The following PIK3R1 variants were observed in gnomAD, a reference collection of about 807,000 sequenced individuals.
PIK3R1 encodes phosphatidylinositol 3-kinase regulatory subunit alpha.
In PIK3R1, 29 loss-of-function variants were observed where a neutral mutation model predicts 98.0. The ratio of observed to expected loss-of-function variants is 0.30; its 90% CI spans 0.22 to 0.40. The LOEUF is 0.40. Among genes scored for constraint, PIK3R1 ranks in the 10% least tolerant of loss-of-function variants. The pLI is 1.00. For synonymous variants in PIK3R1, 282 were observed against 311.8 expected, an observed-to-expected ratio of 0.90 and a Z score of 1.01; for missense variants, 596 against 872.7, an observed-to-expected ratio of 0.68 and a Z score of 3.99.
At chr5:68,285,976 T>C (rs890336090) in intron 7 of PIK3R1, among the ~76,000 whole-genome samples, 3 of 152,258 alleles carry the variant, frequency 2.0e-5, no homozygotes, top group African/African-American at 7.2e-5. Context: ...TCTATTCTTT[T>C]TTTCATGGTC....
At chr5:68,278,341 A>G (rs760436551) in intron 4 of PIK3R1, among the ~76,000 whole-genome samples, 11 of 152,164 alleles carry the variant, frequency 7.2e-5, no homozygotes, top group Non-Finnish European at 1.6e-4. Context: ...AATTATTTTC[A>G]TGGATATTCT....
intron 2 of PIK3R1, among the ~76,000 whole-genome samples, chr5:68,242,329 A>G (rs1316084194): frequency 1.3e-5 from 2 of 152,244 alleles, no homozygotes; most frequent in Non-Finnish European, 1.5e-5. Flanking sequence ...CTCAAGTTGA[A>G]TCTTGGTCAG....
chr5:68,296,119 G>T, intron 14 of PIK3R1, 52 bp from the exon 15 acceptor site: 1 of 1,574,334 alleles, frequency 6.4e-7, no homozygotes, highest in Non-Finnish European at 8.7e-7. Context: ...AGCAAGGCAG[G>T]CTGATGGCTC....
intron 2 of PIK3R1, among the ~76,000 whole-genome samples, chr5:68,265,108 C>T (rs896782342): frequency 9.2e-5 from 14 of 151,958 alleles, no homozygotes; most frequent in Admixed American, 2.0e-4. Flanking sequence ...GATTGTGGTC[C>T]GAGGACCGGC....
At chr5:68,239,651 T>G (rs1357502664) in intron 2 of PIK3R1, among the ~76,000 whole-genome samples, 3 of 152,184 alleles carry the variant, frequency 2.0e-5, no homozygotes, top group African/African-American at 7.2e-5. Context: ...GACCCAATGC[T>G]CTTAAGCAAC....
At chr5:68,265,837 C>T (rs1238795208) in intron 2 of PIK3R1, among the ~76,000 whole-genome samples, 3 of 152,088 alleles carry the variant, frequency 2.0e-5, no homozygotes, top group Admixed American at 6.5e-5. Flanking sequence ...ATAATGTGGG[C>T]GTTCACTAAA....
intron 7 of PIK3R1, among the ~76,000 whole-genome samples, chr5:68,284,382 C>T (rs968376335): frequency 6.6e-6 from 1 of 152,146 alleles, no homozygotes; most frequent in African/African-American, 2.4e-5. Context: ...TGGGAAGTTG[C>T]CACCCTGATG....
intron 2 of PIK3R1, among the ~76,000 whole-genome samples, chr5:68,252,843 C>G (rs898050636): frequency 4.6e-5 from 7 of 152,128 alleles, no homozygotes; most frequent in Admixed American, 3.3e-4. Flanking sequence ...TAAGTAAAAC[C>G]CCGCTGCCAT....
At chr5:68,264,685 C>A (rs547678981) in intron 2 of PIK3R1, among the ~76,000 whole-genome samples, 9 of 152,178 alleles carry the variant, frequency 5.9e-5, no homozygotes, top group South Asian at 2.1e-4. Context: ...ACAGGAGATA[C>A]AAAGAGCAAA....
At chr5:68,277,539 C>T (rs149092678) in intron 4 of PIK3R1, among the ~76,000 whole-genome samples, 204 of 152,318 alleles carry the variant, frequency 1.3e-3, no homozygotes, top group African/African-American at 4.8e-3. Context: ...TTCGGAACGT[C>T]GGCCTACCTA....
At chr5:68,288,838 T>TGCGC in intron 7 of PIK3R1, 1 of 1,370,780 alleles carries the variant, frequency 7.3e-7, no homozygotes, top group Non-Finnish European at 1.0e-6. Context: ...TGTGTGTGCG[T>TGCGC]GCGCCCCTGT....
At chr5:68,262,573 C>A (rs1444616094) in intron 2 of PIK3R1, among the ~76,000 whole-genome samples, 5 of 143,620 alleles carry the variant, frequency 3.5e-5, no homozygotes, top group African/African-American at 7.9e-5. Context: ...ACACATGTAC[C>A]TACATGTATA....
At chr5:68,257,485 A>G (rs780279084) in intron 2 of PIK3R1, among the ~76,000 whole-genome samples, 2 of 152,136 alleles carry the variant, frequency 1.3e-5, no homozygotes, top group Non-Finnish European at 2.9e-5. Context: ...CAGGGGAGTA[A>G]TGTATTTGTG....
At chr5:68,274,874 T>C (rs1746507847) in intron 4 of PIK3R1, among the ~76,000 whole-genome samples, 1 of 152,234 alleles carries the variant, frequency 6.6e-6, no homozygotes. Context: ...AAAAAAATTA[T>C]ATACTGCCTC....
chr5:68,270,968 G>T (rs1437027892), intron 2 of PIK3R1, among the ~76,000 whole-genome samples: 1 of 152,136 alleles, frequency 6.6e-6, no homozygotes, highest in Non-Finnish European at 1.5e-5. Context: ...TAAGACATTT[G>T]TATTTGAAGT....
At chr5:68,265,430 G>C (rs1287811692) in intron 2 of PIK3R1, among the ~76,000 whole-genome samples, 1 of 152,164 alleles carries the variant, frequency 6.6e-6, no homozygotes, top group Non-Finnish European at 1.5e-5. Flanking sequence ...TAGACATTTA[G>C]AAATCTATTT....
intron 2 of PIK3R1, among the ~76,000 whole-genome samples, chr5:68,245,251 C>T (rs548685516): frequency 1.5e-4 from 23 of 151,744 alleles, no homozygotes; most frequent in African/African-American, 5.1e-4. Context: ...TTGCATTATA[C>T]GTGAATATAT....
rs146489064 is a variant in PIK3R1, at chr5:68,240,141, T to C, written c.334+13132T>C. Among the ~76,000 whole-genome samples the C allele has an allele frequency of 8.6e-5, 13 of 150,698 alleles. No individual in the cohort carries two copies. In the East Asian group the frequency reaches 2.3e-3, roughly 27 times the overall value. ...GTTTATGTATAAATATATATTTGTATATAATATGTATTCGTATATGATATG... is the reference window on the plus strand; with the variant it reads ...GTTTATGTATAAATATATATTTGTACATAATATGTATTCGTATATGATATG... On this transcript the variant is annotated intron_variant, in intron 2 of 15. Coordinates refer to ENST00000521381, the MANE Select transcript of PIK3R1 (RefSeq NM_181523.3).
intron 1 of PIK3R1, among the ~76,000 whole-genome samples, chr5:68,223,391 C>A (rs1010062823): frequency 6.6e-6 from 1 of 150,530 alleles, no homozygotes; most frequent in African/African-American, 2.4e-5. Flanking sequence ...TTTTCCACAA[C>A]ATTGCCCTCA....
Sources: gnomAD v4.1 joint callset for allele counts (sites outside exome capture counted in the v4.1 genomes callset) on GRCh38, gnomAD v4.1.1 for gene constraint, MANE v1.5 for transcripts, NCBI Gene and HGNC (gene_info 2026-07-23, HGNC 2026-07-21) for gene names.